MICAL2: variants seen among roughly 807,000 people sequenced by gnomAD.
The protein encoded by MICAL2 is [F-actin]-monooxygenase MICAL2.
Under a neutral mutation model 127.3 loss-of-function variants are expected in MICAL2, and 77 were observed. The observed-to-expected ratio is 0.60, with a 90% CI of 0.50 to 0.73. MICAL2 has a LOEUF of 0.73. MICAL2 is among the 30% of genes least tolerant of loss of function. MICAL2 has a pLI of 0.00. For synonymous variants in MICAL2, 570 were observed against 551.1 expected (o/e 1.03, Z -0.48); for missense variants, 1,351 against 1,434.4 (o/e 0.94, Z 0.94).
intron 32 of MICAL2, among the ~76,000 whole-genome samples, chr11:12,346,567 C>T (rs1279306500): frequency 6.6e-6 from 1 of 152,200 alleles, no homozygotes; most frequent in African/African-American, 2.4e-5. Context: ...CCCCTCCTCT[C>T]CCTGGCAAAC....
At position 12,337,141 on chromosome 11, in the gene MICAL2, G is replaced by C. The variant is rs1165024695; in HGVS notation, c.5515+9875G>C. Reference sequence around the variant, plus strand: ...TGCCTCAATTTCAGAGCCTGTTATTGGTCTATTCAGAGATTCAACTTCTTC... The same window carrying C: ...TGCCTCAATTTCAGAGCCTGTTATTCGTCTATTCAGAGATTCAACTTCTTC... On this transcript the variant is annotated intron_variant, in intron 32 of 34. Transcript: ENST00000646065. 5.9e-5 allele frequency among the ~76,000 whole-genome samples: 9 copies of C among 152,232 alleles called. No individual in the cohort carries two copies. In the East Asian group the frequency reaches 1.7e-3, roughly 29 times the overall value.
chr11:12,241,643 A>AT, intron 18 of MICAL2, among the ~76,000 whole-genome samples: 1 of 152,362 alleles, frequency 6.6e-6, no homozygotes, highest in East Asian at 1.9e-4. Flanking sequence ...GGCAGCTGGC[A>AT]GTCACGGAGT....
chr11:12,354,984 C>A, intron 34 of MICAL2: 1 of 802,576 alleles, frequency 1.2e-6, no homozygotes, highest in Non-Finnish European at 2.0e-6. Flanking sequence ...AAGTACAAAG[C>A]CAGCCTGCCT....
intron 32 of MICAL2, among the ~76,000 whole-genome samples, chr11:12,347,908 C>T (rs1445247115): frequency 6.6e-6 from 1 of 152,080 alleles, no homozygotes; most frequent in Non-Finnish European, 1.5e-5. Context: ...AATCCCAACA[C>T]TTCGGGAGGC....
chr11:12,188,427 A>G (rs1858608947), intron 3 of MICAL2, among the ~76,000 whole-genome samples: 1 of 151,814 alleles, frequency 6.6e-6, no homozygotes, highest in Non-Finnish European at 1.5e-5. Flanking sequence ...ACTTTTTTTT[A>G]TTGTCATGCT....
rs201729638 is a variant in MICAL2, at chr11:12,220,452, G to A, written c.1200G>A (p.Leu400=). The A allele has an allele frequency of 1.2e-6, 2 of 1,608,408 alleles. No individual in the cohort carries two copies. Among genetic ancestry groups the A allele is most frequent in the Non-Finnish European group, 1.7e-6 (2 of 1,179,866 alleles). ...TCGTGGCCCTTGTGGGTGACAGCTT[G>A]CTTGAGGTACTGCCTGAGCTCGGAG... ...QLLVALVGDS[L]LEPFWPMGTG... is the part of the protein sequence containing the mutation. The change falls in exon 9 of 28, where the codon TTG becomes TTA. Residue 400 remains leucine (L), a synonymous_variant. Transcript: ENST00000683283.
At chr11:12,159,568 A>C (rs1404985088) in intron 2 of MICAL2, among the ~76,000 whole-genome samples, 3 of 152,192 alleles carry the variant, frequency 2.0e-5, no homozygotes, top group African/African-American at 7.2e-5. Context: ...GGCTTGTGTG[A>C]GGCAATAGCT....
At chr11:12,350,881 G>A (rs1308601783) in intron 33 of MICAL2, among the ~76,000 whole-genome samples, 2 of 152,130 alleles carry the variant, frequency 1.3e-5, no homozygotes, top group African/African-American at 2.4e-5. Context: ...TCAAGGTGTT[G>A]GGGGAGCTGT....
chr11:12,269,362 A>G (rs1443973424), intron 24 of MICAL2, among the ~76,000 whole-genome samples: 1 of 152,256 alleles, frequency 6.6e-6, no homozygotes, highest in Non-Finnish European at 1.5e-5. Flanking sequence ...GGCCAGACAC[A>G]GTGCCTGTAG....
intron 3 of MICAL2, among the ~76,000 whole-genome samples, chr11:12,194,409 C>A (rs1859611090): frequency 6.6e-6 from 1 of 152,122 alleles, no homozygotes; most frequent in Non-Finnish European, 1.5e-5. Context: ...AGTGCGGGGA[C>A]CCCTACATGA....
chr11:12,252,838 A>C (rs1400810533), intron 22 of MICAL2: 4 of 152,070 alleles, frequency 2.6e-5, no homozygotes, highest in African/African-American at 9.7e-5. Context: ...ACCCACACAC[A>C]AGTTACTGTT....
At chr11:12,163,602 G>A (rs1476869310) in intron 3 of MICAL2, 1 of 152,308 alleles carries the variant, frequency 6.6e-6, no homozygotes, top group East Asian at 1.9e-4. Context: ...AAACAGACCA[G>A]TCGCCTCAGC....
rs1026268320 is a variant in MICAL2, at chr11:12,223,487, A to C, written c.1526A>C (p.Asn509Thr). The change falls in exon 12 of 28, where the codon AAC becomes ACC. Residue 509 changes from asparagine (N) to threonine (T), a missense_variant. Physicochemically the swap from Asn to Thr is moderately conservative, Grantham distance 65 (BLOSUM62 0). Coordinates refer to ENST00000683283, the MANE Select transcript of MICAL2 (RefSeq NM_001282663.2). ...ERLGSVRRSV[N>T]LSRKESDIRP... Reference sequence around the variant, plus strand: ...CTGGGCTCGGTGAGGAGATCTGTCAACCTCTCCAGGAAGGGTAAGCGGCCC... The same window carrying C: ...CTGGGCTCGGTGAGGAGATCTGTCACCCTCTCCAGGAAGGGTAAGCGGCCC... 1 of 1,613,808 alleles carries C rather than the reference A, an allele frequency of 6.2e-7. No individual in the cohort carries two copies. The highest frequency in any genetic ancestry group is 1.3e-5 in the African/African-American group (1 of 74,886).
chr11:12,157,224 C>G (rs1854285787), intron 2 of MICAL2, among the ~76,000 whole-genome samples: 1 of 152,176 alleles, frequency 6.6e-6, no homozygotes, highest in South Asian at 2.1e-4. Context: ...TCAGGGAAGG[C>G]AAGAGGCATC....
chr11:12,183,633 G>A (rs1279125567), intron 3 of MICAL2, among the ~76,000 whole-genome samples: 1 of 152,210 alleles, frequency 6.6e-6, no homozygotes, highest in East Asian at 1.9e-4. Flanking sequence ...GGAGAAGTAG[G>A]TGTGCTGTGG....
chr11:12,310,692 T>C (rs1864163899), intron 29 of MICAL2, among the ~76,000 whole-genome samples: 1 of 152,190 alleles, frequency 6.6e-6, no homozygotes, highest in Non-Finnish European at 1.5e-5. Context: ...TAGGATTTTT[T>C]TTTTCTATTT....
At chr11:12,311,434 C>T (rs1312452236) in intron 29 of MICAL2, among the ~76,000 whole-genome samples, 1 of 145,212 alleles carries the variant, frequency 6.9e-6, no homozygotes, top group African/African-American at 2.7e-5. Flanking sequence ...TATTTTGAGA[C>T]AGAGTCTTGC....
At chr11:12,307,188 G>T (rs1864121782) in intron 29 of MICAL2, among the ~76,000 whole-genome samples, 1 of 152,100 alleles carries the variant, frequency 6.6e-6, no homozygotes, top group Non-Finnish European at 1.5e-5. Flanking sequence ...CATTTCCCTA[G>T]TGACTAATGA....
At chr11:12,287,568 C>A (rs1215152443), downstream of MICAL2, among the ~76,000 whole-genome samples, 1 of 152,084 alleles carries the variant, frequency 6.6e-6, no homozygotes, top group African/African-American at 2.4e-5. Flanking sequence ...TCACACAAAA[C>A]AGGATGCTAC....
Sources: gnomAD v4.1 joint callset for allele counts (sites outside exome capture counted in the v4.1 genomes callset) on GRCh38, gnomAD v4.1.1 for gene constraint, MANE v1.5 for transcripts, NCBI Gene and HGNC (gene_info 2026-07-23, HGNC 2026-07-21) for gene names.